CERT1: variants seen among roughly 807,000 people sequenced by gnomAD.
CERT1 encodes ceramide transfer protein.
A neutral mutation model predicts 87.9 loss-of-function variants in CERT1; 31 were observed. The ratio of observed to expected loss-of-function variants is 0.35; its 90% CI spans 0.27 to 0.48. The LOEUF (loss-of-function observed/expected upper bound fraction) is 0.48. CERT1 is among the 20% of genes least tolerant of loss of function. The pLI is 0.99. For missense variants in CERT1, 487 were observed against 758.0 expected, an observed-to-expected ratio of 0.64 and a Z score of 4.20; for synonymous variants, 289 against 250.9, an observed-to-expected ratio of 1.15 and a Z score of -1.44.
At position 75,395,424 on chromosome 5, in the gene CERT1, T is replaced by C. The variant is rs370794355; in HGVS notation, c.1188+3886A>G. Among the ~76,000 whole-genome samples the C allele has an allele frequency of 7.9e-5, 12 of 152,048 alleles. No homozygotes were observed. The East Asian group carries it at 1.2e-3, about 15-fold the overall frequency. On this transcript the variant is annotated intron_variant, in intron 11 of 16. Coordinates refer to ENST00000643780, the MANE Select transcript of CERT1 (RefSeq NM_001379029.1). Reference sequence around the variant, plus strand: ...GTTGGGTGTGGTGGAATGCCTGTAGTCCCAGCTACTTGGGAGGCTGAGAGA... The same window carrying C: ...GTTGGGTGTGGTGGAATGCCTGTAGCCCCAGCTACTTGGGAGGCTGAGAGA...
intron 2 of CERT1, among the ~76,000 whole-genome samples, chr5:75,496,549 T>A (rs73120827): frequency 0.012 from 1,802 of 152,276 alleles, 35 homozygotes; most frequent in African/African-American, 0.042. Context: ...ATTTATTGTA[T>A]CTCAAAACTG....
At chr5:75,381,866 G>C (rs1372413980) in intron 15 of CERT1, 83 bp downstream of exon 15, 1 of 1,231,594 alleles carries the variant, frequency 8.1e-7, no homozygotes, top group Admixed American at 2.0e-5. Context: ...TATAGTGTAT[G>C]GGCTGTGTTT....
chr5:75,384,534 T>C, intron 14 of CERT1, 108 bp downstream of exon 14: 2 of 674,350 alleles, frequency 3.0e-6, no homozygotes, highest in Non-Finnish European at 5.1e-6. Flanking sequence ...ATAAAGTCTT[T>C]GGATTTTTGT....
In CERT1 at chr5:75,419,008, G is replaced by A. The variant is rs983631127; in HGVS notation, c.679+333C>T. Among the ~76,000 whole-genome samples, 3 of 151,994 alleles carry A rather than the reference G, an allele frequency of 2.0e-5. No individual in the cohort carries two copies. The South Asian group carries it at 6.2e-4, about 32-fold the overall frequency. ...GCTTATATTTTCTTAATAAGAATAC[G>A]CACGTACATCAACTCAACAGAACTG... On this transcript the variant is annotated intron_variant, in intron 6 of 16. Transcript: ENST00000643780.
chr5:75,490,833 A>C (rs1025235415), intron 2 of CERT1, among the ~76,000 whole-genome samples: 2 of 152,084 alleles, frequency 1.3e-5, no homozygotes, highest in Non-Finnish European at 2.9e-5. Context: ...AGTATCTGGT[A>C]ACTTTTTTTC....
At chr5:75,462,839 A>G (rs775794495) in intron 2 of CERT1, among the ~76,000 whole-genome samples, 8 of 152,022 alleles carry the variant, frequency 5.3e-5, no homozygotes, top group Middle Eastern at 3.4e-3. Context: ...TAAAAATACA[A>G]AAATTAGCTG....
chr5:75,371,758 G>A (rs1179614401), intron 17 of CERT1: 1 of 152,204 alleles, frequency 6.6e-6, no homozygotes, highest in African/African-American at 2.4e-5. Flanking sequence ...GAGTAGAAAA[G>A]AGAGTAAAGG....
intron 2 of CERT1, among the ~76,000 whole-genome samples, chr5:75,461,931 C>T (rs1031546127): frequency 2.0e-5 from 3 of 151,998 alleles, no homozygotes; most frequent in African/African-American, 4.8e-5. Context: ...ATTACACACA[C>T]ATATGTGCCC....
intron 2 of CERT1, among the ~76,000 whole-genome samples, chr5:75,495,042 T>C (rs1347101918): frequency 2.0e-5 from 3 of 152,220 alleles, no homozygotes; most frequent in African/African-American, 7.2e-5. Context: ...CATTATCACT[T>C]TACAGACTGC....
downstream of CERT1, chr5:75,375,195 T>G (rs1761245661): frequency 6.5e-6 from 1 of 153,818 alleles, no homozygotes; most frequent in Non-Finnish European, 1.4e-5. Context: ...ACAATACTAC[T>G]TACCAAGAAT....
At chr5:75,511,906 A>G, upstream of CERT1, 1 of 1,341,618 alleles carries the variant, frequency 7.5e-7, no homozygotes, top group East Asian at 2.6e-5. Flanking sequence ...CGCGATCCTG[A>G]GGTAACGGGT....
chr5:75,423,011 A>G (rs929685107), intron 5 of CERT1, among the ~76,000 whole-genome samples: 1 of 152,222 alleles, frequency 6.6e-6, no homozygotes, highest in African/African-American at 2.4e-5. Flanking sequence ...GTGAGAAAAT[A>G]AATCTGTTGT....
At position 75,487,793 on chromosome 5, in the gene CERT1, A is replaced by G. The variant is rs181542749; in HGVS notation, c.231+18189T>C. Among the ~76,000 whole-genome samples, 390 of 152,186 alleles carry G rather than the reference A, an allele frequency of 2.6e-3. 2 individuals are homozygous for G. The highest frequency in any genetic ancestry group is 3.6e-3 in the Non-Finnish European group (247 of 67,920). ...GAGATATTATCTCATCCCATTTATA[A>G]TGGCCATTATAAGTGTCCGACAACA... On this transcript the variant is annotated intron_variant, in intron 2 of 16. Transcript: ENST00000643780.
rs969117563 is a variant in CERT1, at chr5:75,426,589, C to T, written c.349-111G>A. 7.1e-6 allele frequency: 5 copies of T among 705,568 alleles called. No homozygotes were observed. The African/African-American group carries it at 9.0e-5, about 13-fold the overall frequency. The allele number at this position is 705,568 out of a possible 1,614,324, so 43.7% of individuals were successfully genotyped here. A position where few individuals can be genotyped will look rare whatever the true frequency, so the allele number is the denominator to read the frequency against. The stretch of plus-strand genomic sequence containing the variant: ...ATTATAACAATTGGCAGTCTGGGTG[C>T]ACATAAGATATATAGTCAATCCACT... On this transcript the variant is annotated intron_variant, in intron 3 of 16. Coordinates refer to ENST00000643780, the MANE Select transcript of CERT1 (RefSeq NM_001379029.1).
In CERT1 at chr5:75,485,132, A is replaced by G. The variant is rs1015159210; in HGVS notation, c.231+20850T>C. ...AATGAAAAAAGAAGAAAATTAAACA[A>G]TTTTTTTGAAACAAATGAAAGTGGA... On this transcript the variant is annotated intron_variant, in intron 2 of 16. Coordinates refer to ENST00000643780, the MANE Select transcript of CERT1 (RefSeq NM_001379029.1). 9.2e-5 allele frequency among the ~76,000 whole-genome samples: 14 copies of G among 152,096 alleles called. No homozygotes were observed. The East Asian group carries it at 2.7e-3, about 29-fold the overall frequency.
chr5:75,469,958 TAA>T (rs1347464546), intron 2 of CERT1, among the ~76,000 whole-genome samples: 1 of 151,928 alleles, frequency 6.6e-6, no homozygotes, highest in Non-Finnish European at 1.5e-5. Flanking sequence ...AGTCAAAAAC[TAA>T]AAAAGAGACA....
chr5:75,488,258 C>T (rs1273119236), intron 2 of CERT1, among the ~76,000 whole-genome samples: 12 of 152,046 alleles, frequency 7.9e-5, no homozygotes, highest in South Asian at 4.2e-4. Flanking sequence ...GCATTTACCA[C>T]GATGTGATTA....
chr5:75,389,819 G>A, intron 11 of CERT1, 132 bp from the exon 12 acceptor site: 1 of 656,558 alleles, frequency 1.5e-6, no homozygotes, highest in Non-Finnish European at 2.7e-6. Context: ...ACAAAGGTTA[G>A]TAGGTTTTAC....
chr5:75,411,240 A>G, intron 7 of CERT1, 137 bp from the exon 8 acceptor site: 1 of 594,046 alleles, frequency 1.7e-6, no homozygotes, highest in Middle Eastern at 3.6e-4. Flanking sequence ...GTGAAAAATA[A>G]GAGTATTATT....
Sources: gnomAD v4.1 joint callset for allele counts (sites outside exome capture counted in the v4.1 genomes callset) on GRCh38, gnomAD v4.1.1 for gene constraint, MANE v1.5 for transcripts, NCBI Gene and HGNC (gene_info 2026-07-23, HGNC 2026-07-21) for gene names.